The following TMEM165 variants were observed in gnomAD, a reference collection of about 807,000 sequenced individuals.
TMEM165 encodes putative divalent cation/proton antiporter TMEM165.
In TMEM165, 19 loss-of-function variants were observed where a neutral mutation model predicts 30.0. The observed-to-expected ratio is 0.63, with a 90% CI of 0.44 to 0.93. The LOEUF (loss-of-function observed/expected upper bound fraction) is 0.93. Ranked by LOEUF, TMEM165 falls within the 40% of genes least tolerant of loss-of-function variation. The probability of loss-of-function intolerance (pLI) is 0.00; values close to 1 mark genes in which losing one functional copy is unlikely to be tolerated. For missense variants in TMEM165, 340 were observed against 417.0 expected (o/e 0.82, Z 1.61); for synonymous variants, 168 against 162.9 (o/e 1.03, Z -0.24).
chr4:55,412,417 A>G (rs989780932), intron 2 of TMEM165, among the ~76,000 whole-genome samples: 1 of 148,578 alleles, frequency 6.7e-6, no homozygotes, highest in Non-Finnish European at 1.5e-5. Flanking sequence ...AAAAAAAAAA[A>G]GGGAGACTGT....
At chr4:55,428,167 A>T (rs1722314521), downstream of TMEM165, 1 of 152,206 alleles carries the variant, frequency 6.6e-6, no homozygotes, top group Admixed American at 6.5e-5. Flanking sequence ...TATGGGAAAG[A>T]GCAGAATAAT....
chr4:55,407,835 G>A (rs1721331740), intron 1 of TMEM165, among the ~76,000 whole-genome samples: 1 of 152,218 alleles, frequency 6.6e-6, no homozygotes, highest in Admixed American at 6.5e-5. Context: ...CACTTACTGT[G>A]TACTGAGCAC....
intron 3 of TMEM165, among the ~76,000 whole-genome samples, chr4:55,437,435 G>A (rs1045000059): frequency 2.0e-5 from 3 of 152,176 alleles, no homozygotes; most frequent in African/African-American, 7.2e-5. Flanking sequence ...TAAGGGTTTT[G>A]TACATTTCTC....
At chr4:55,435,471 G>C (rs1213885514) in intron 3 of TMEM165, 1 of 1,613,940 alleles carries the variant, frequency 6.2e-7, no homozygotes, top group African/African-American at 1.3e-5. Context: ...TGCCGGCTGA[G>C]TTGCTGCTGT....
chr4:55,400,478 C>T (rs1252689498), intron 1 of TMEM165, among the ~76,000 whole-genome samples: 1 of 144,112 alleles, frequency 6.9e-6, no homozygotes, highest in East Asian at 2.0e-4. Flanking sequence ...CACTCTGTCG[C>T]CCAGGCTGGA....
At chr4:55,446,699 C>T (rs1445984025) in intron 3 of TMEM165, among the ~76,000 whole-genome samples, 1 of 152,156 alleles carries the variant, frequency 6.6e-6, no homozygotes, top group Non-Finnish European at 1.5e-5. Flanking sequence ...TTATAATTTA[C>T]CCACATTTGG....
chr4:55,427,270 T>C (rs1468675753), downstream of TMEM165, among the ~76,000 whole-genome samples: 1 of 151,662 alleles, frequency 6.6e-6, no homozygotes, highest in Non-Finnish European at 1.5e-5. Flanking sequence ...ACTCCTGACC[T>C]TATGATCCGC....
downstream of TMEM165, among the ~76,000 whole-genome samples, chr4:55,427,118 C>T (rs1722244125): frequency 6.6e-6 from 1 of 151,300 alleles, no homozygotes; most frequent in Non-Finnish European, 1.5e-5. Context: ...ACTGCAACCT[C>T]CACCGCCCGG....
In TMEM165 at chr4:55,417,156, G is replaced by C. The variant is rs756532869; in HGVS notation, c.518G>C (p.Arg173Thr). The change falls in exon 3 of 6, where the codon AGA (arginine) becomes ACA (threonine). Residue 173 changes from arginine (R) to threonine (T), a missense_variant. By Grantham distance (71) the Arg-to-Thr change is moderately conservative. This residue lies in a region of TMEM165 where 220 missense variants were observed against 307.6 expected (regional missense o/e 0.72). Transcript: ENST00000381334. ...STVLFAIFGIRMLREGLKMSP... is the reference protein window; with the variant it reads ...STVLFAIFGITMLREGLKMSP... ...GTATTATTTGCCATTTTTGGCATTA[G>C]AATGCTTCGGGAAGGCTTAAAGATG... The C allele has an allele frequency of 6.2e-7, 1 of 1,613,994 alleles. No individual in the cohort carries two copies. Among genetic ancestry groups the C allele is most frequent in the East Asian group, 2.2e-5 (1 of 44,868 alleles).
At chr4:55,418,090 A>G in intron 4 of TMEM165, 105 bp downstream of exon 4, 1 of 1,071,190 alleles carries the variant, frequency 9.3e-7, no homozygotes, top group Non-Finnish European at 1.3e-6. Context: ...ATTCCTTCAT[A>G]TGCAAGACTG....
At chr4:55,443,197 C>T (rs1297184657) in intron 3 of TMEM165, among the ~76,000 whole-genome samples, 1 of 152,016 alleles carries the variant, frequency 6.6e-6, no homozygotes, top group East Asian at 1.9e-4. Context: ...AAAGCTCAGC[C>T]AGGCGCAGTG....
intron 1 of TMEM165, among the ~76,000 whole-genome samples, chr4:55,403,492 C>CTTTTTTTTTTTTT (rs71664292): frequency 3.2e-5 from 4 of 124,504 alleles, no homozygotes; most frequent in Non-Finnish European, 6.5e-5. Context: ...GTGCCTTTTT[C>CTTTTTTTTTTTTT]TTTTTCTTTT....
chr4:55,398,822 A>C (rs1338264613), intron 1 of TMEM165: 1 of 151,476 alleles, frequency 6.6e-6, no homozygotes, highest in Non-Finnish European at 1.5e-5. Context: ...AGTTTATATC[A>C]GCTGTTAAAT....
intron 3 of TMEM165, chr4:55,444,896 C>T (rs888659262): frequency 1.8e-6 from 2 of 1,086,206 alleles, no homozygotes; most frequent in South Asian, 1.3e-5. Context: ...TGATAACATC[C>T]TTCACTAGTT....
exon 4 of TMEM165, chr4:55,452,914 A>G: frequency 1.6e-6 from 1 of 619,602 alleles, no homozygotes; most frequent in Non-Finnish European, 2.8e-6. Context: ...ATTAAAAATA[A>G]GTAGTAAAGT....
At chr4:55,419,978 C>T (rs927279443) in intron 4 of TMEM165, among the ~76,000 whole-genome samples, 1 of 150,382 alleles carries the variant, frequency 6.6e-6, no homozygotes, top group African/African-American at 2.4e-5. Flanking sequence ...TGCCTGTAAT[C>T]CTAGCTGCTA....
Position 55,417,485 on chromosome 4 carries a change from G to A in TMEM165, c.609+238G>A, listed in dbSNP as rs376641341. 6.6e-5 allele frequency among the ~76,000 whole-genome samples: 10 copies of A among 152,320 alleles called. No individual in the cohort carries two copies. In the South Asian group the frequency reaches 2.1e-3, roughly 32 times the overall value. ...ACAGGTAATCAGTTTCCTTAATTAG[G>A]TTGATTATAAGCTCCTGAAAAGCAG... On this transcript the variant is annotated intron_variant, in intron 3 of 5. Coordinates refer to ENST00000381334, the MANE Select transcript of TMEM165 (RefSeq NM_018475.5).
In TMEM165 at chr4:55,425,384, A is replaced by G; in HGVS notation, c.907A>G (p.Ile303Val). The change falls in exon 6 of 6, where the codon ATA (isoleucine) becomes GTA (valine). Residue 303 changes from isoleucine (I) to valine (V), a missense_variant. By Grantham distance (29) the Ile-to-Val change is conservative. This residue lies in a region of TMEM165 where 220 missense variants were observed against 307.6 expected (regional missense o/e 0.72). Coordinates refer to ENST00000381334, the MANE Select transcript of TMEM165 (RefSeq NM_018475.5). ...QKISVRTVTIIGGIVFLAFAF... is the reference protein window; with the variant it reads ...QKISVRTVTIVGGIVFLAFAF... ...TTTTCTCTCTCTTCCAGTGACAATCATAGGAGGCATCGTTTTTTTGGCGTT... is the reference window on the plus strand; with the variant it reads ...TTTTCTCTCTCTTCCAGTGACAATCGTAGGAGGCATCGTTTTTTTGGCGTT... The G allele has an allele frequency of 6.2e-7, 1 of 1,613,804 alleles. No homozygotes were observed.
At chr4:55,402,340 T>C (rs7660054) in intron 1 of TMEM165, among the ~76,000 whole-genome samples, 83,373 of 137,116 alleles carry the variant, frequency 0.61, 27,060 homozygotes, top group South Asian at 0.82. Context: ...ACTTTAATGT[T>C]ATCTTTCGAA....
Sources: allele counts gnomAD v4.1 joint callset (sites outside exome capture counted in the v4.1 genomes callset), GRCh38; gene constraint gnomAD v4.1.1; regional missense constraint gnomAD v4.1.1; transcripts MANE v1.5; gene names NCBI Gene and HGNC (gene_info 2026-07-23, HGNC 2026-07-21).